Variants in ZFHX3 observed in about 807,000 individuals in gnomAD.
The protein encoded by ZFHX3 is zinc finger homeobox protein 3.
A neutral mutation model predicts 279.1 loss-of-function variants in ZFHX3; 42 were observed. The observed-to-expected ratio is 0.15, with a 90% CI of 0.12 to 0.19. The LOEUF (loss-of-function observed/expected upper bound fraction) is 0.19, where lower values mean the gene tolerates loss of function less well. Ranked by LOEUF, ZFHX3 falls within the 10% of genes least tolerant of loss-of-function variation. The pLI, the probability that ZFHX3 is intolerant of heterozygous loss-of-function variation, is 1.00. For synonymous variants in ZFHX3, 2,293 were observed against 1,957.8 expected, an observed-to-expected ratio of 1.17 and a Z score of -4.52; for missense variants, 4,981 against 4,754.0, an observed-to-expected ratio of 1.05 and a Z score of -1.40.
intron 1 of ZFHX3, among the ~76,000 whole-genome samples, chr16:73,024,537 A>C (rs1415114323): frequency 6.6e-6 from 1 of 152,202 alleles, no homozygotes; most frequent in Non-Finnish European, 1.5e-5. Context: ...AGTTGCACTG[A>C]AAGGATCAGG....
chr16:73,337,901 G>GA, intron 3 of ZFHX3, among the ~76,000 whole-genome samples: 1 of 134,106 alleles, frequency 7.5e-6, no homozygotes, highest in East Asian at 2.2e-4. Context: ...GCGGGGGGGG[G>GA]GGTCCTCATC....
At chr16:73,674,073 A>G (rs963681187) in intron 2 of ZFHX3, among the ~76,000 whole-genome samples, 2 of 152,128 alleles carry the variant, frequency 1.3e-5, no homozygotes, top group African/African-American at 4.8e-5. Flanking sequence ...CAGAAAATGT[A>G]CTCAACTCTA....
chr16:73,807,620 ATTTTTT>A (rs55806545), intron 1 of ZFHX3, among the ~76,000 whole-genome samples: 9 of 70,580 alleles, frequency 1.3e-4, no homozygotes, highest in South Asian at 6.3e-4. Flanking sequence ...CCATGCCCCA[ATTTTTT>A]TTTTTTTTTT....
At position 73,047,903 on chromosome 16, in the gene ZFHX3, C is replaced by T. The variant is rs1965358853; in HGVS notation, c.-201G>A. ...GGCATGCTCCCCACCTCCCGCTGGC[C>T]CCAGGACTCGGAGGTGGCTCTGGTC... On this transcript the variant is annotated 5_prime_UTR_variant, in exon 1 of 10. Coordinates refer to ENST00000268489, the MANE Select transcript of ZFHX3 (RefSeq NM_006885.4). The T allele has an allele frequency of 6.6e-6, 1 of 152,324 alleles. No homozygotes were observed. Among genetic ancestry groups the T allele is most frequent in the Non-Finnish European group, 1.5e-5 (1 of 68,146 alleles). 9.4% of individuals were successfully genotyped at this position (152,324 alleles called of 1,614,324 possible). A position where few individuals can be genotyped will look rare whatever the true frequency, so the allele number is the denominator to read the frequency against.
chr16:72,970,020 G>A (rs992130248), intron 1 of ZFHX3, among the ~76,000 whole-genome samples: 28 of 152,196 alleles, frequency 1.8e-4, no homozygotes, highest in Admixed American at 1.6e-3. Context: ...AAGTGCATCT[G>A]TGCTATTTCC....
chr16:73,472,430 C>A (rs2143605761), intron 2 of ZFHX3, among the ~76,000 whole-genome samples: 1 of 152,278 alleles, frequency 6.6e-6, no homozygotes, highest in South Asian at 2.1e-4. Flanking sequence ...TTGATGAAGC[C>A]ACAAAGCTTC....
chr16:73,327,143 C>A lies in ZFHX3; in HGVS notation c.-1290-8807G>T, dbSNP rs188778897. Among the ~76,000 whole-genome samples, 4 of 152,284 alleles carry A rather than the reference C, an allele frequency of 2.6e-5. No homozygotes were observed. In the East Asian group the frequency reaches 7.7e-4, roughly 29 times the overall value. Reference sequence around the variant, plus strand: ...ATCAAACTATTTTTGTTTTTATTTGCTGGGAGAGTAGTATTCTGAGAAGCC... The same window carrying A: ...ATCAAACTATTTTTGTTTTTATTTGATGGGAGAGTAGTATTCTGAGAAGCC... On this transcript the variant is annotated intron_variant, in intron 3 of 17. Coordinates refer to the ZFHX3 transcript ENST00000641206.
chr16:72,850,658 C>G (rs2037593498), intron 4 of ZFHX3, among the ~76,000 whole-genome samples: 1 of 152,300 alleles, frequency 6.6e-6, no homozygotes, highest in African/African-American at 2.4e-5. Flanking sequence ...CCGGGCTCGC[C>G]AGGCCCACAG....
chr16:73,820,460 G>A (rs78584771), intron 1 of ZFHX3, among the ~76,000 whole-genome samples: 2,763 of 152,140 alleles, frequency 0.018, 43 homozygotes, highest in South Asian at 0.031. Flanking sequence ...GAACCCAGCT[G>A]CCATACCATG....
chr16:73,840,541 T>C (rs996714827), intron 1 of ZFHX3, among the ~76,000 whole-genome samples: 5 of 152,210 alleles, frequency 3.3e-5, no homozygotes, highest in African/African-American at 9.6e-5. Flanking sequence ...ATATAGAACC[T>C]TCTAGTACCA....
At chr16:73,557,094 C>CAAAAAAAAA (rs397766441) in intron 2 of ZFHX3, among the ~76,000 whole-genome samples, 1 of 68,552 alleles carries the variant, frequency 1.5e-5, no homozygotes. Context: ...GACTCCGTCT[C>CAAAAAAAAA]AAAAAAAAAA....
intron 1 of ZFHX3, among the ~76,000 whole-genome samples, chr16:73,874,079 T>C (rs907431470): frequency 6.6e-6 from 1 of 152,192 alleles, no homozygotes; most frequent in Non-Finnish European, 1.5e-5. Flanking sequence ...GCCTACGCCA[T>C]TTCTTCCTCT....
rs537355393 is a variant in ZFHX3, at chr16:72,838,158, A to ATCCC, written c.3449-8303_3449-8300dup. Among the ~76,000 whole-genome samples, 393 of 151,410 alleles carry ATCCC rather than the reference A, an allele frequency of 2.6e-3. 1 individual carries two copies. Among genetic ancestry groups the ATCCC allele is most frequent in the Middle Eastern group, 6.9e-3 (2 of 290 alleles). Reference sequence around the variant, plus strand: ...CCCGTTCCTGTCCCCCATTACCACCATCCCTGTTTTTTGGCATCAGGCTCT... The same window carrying ATCCC: ...CCCGTTCCTGTCCCCCATTACCACCATCCCTCCCTGTTTTTTGGCATCAGGCTCT... On this transcript the variant is annotated intron_variant, in intron 4 of 9. Transcript: ENST00000268489.
At chr16:73,151,341 G>T (rs558049649) in intron 5 of ZFHX3, among the ~76,000 whole-genome samples, 1 of 152,306 alleles carries the variant, frequency 6.6e-6, no homozygotes, top group Middle Eastern at 3.4e-3. Context: ...GCATCTCAGA[G>T]GGGAAAGGAA....
At chr16:72,948,615 G>A (rs535494101) in intron 3 of ZFHX3, among the ~76,000 whole-genome samples, 3 of 152,260 alleles carry the variant, frequency 2.0e-5, no homozygotes, top group South Asian at 2.1e-4. Flanking sequence ...CCAGCCGCAC[G>A]GAGGATGCAG....
intron 4 of ZFHX3, among the ~76,000 whole-genome samples, chr16:72,835,540 C>T (rs1175006203): frequency 6.6e-6 from 1 of 152,190 alleles, no homozygotes; most frequent in Non-Finnish European, 1.5e-5. Context: ...TATCTGCTTA[C>T]TTTGAAGATA....
chr16:73,412,705 G>C (rs948337139), intron 3 of ZFHX3, among the ~76,000 whole-genome samples: 1 of 152,178 alleles, frequency 6.6e-6, no homozygotes, highest in Non-Finnish European at 1.5e-5. Context: ...GTGGGCTGGC[G>C]GGAGATACAA....
intron 3 of ZFHX3, among the ~76,000 whole-genome samples, chr16:73,453,641 A>C (rs2018319028): frequency 6.6e-6 from 1 of 152,230 alleles, no homozygotes; most frequent in South Asian, 2.1e-4. Context: ...CATATGGAAA[A>C]GCAAGTGTAT....
At chr16:73,107,692 C>T (rs886583885) in intron 7 of ZFHX3, among the ~76,000 whole-genome samples, 5 of 152,172 alleles carry the variant, frequency 3.3e-5, no homozygotes, top group African/African-American at 1.2e-4. Flanking sequence ...TGGTTTGGAA[C>T]CCCAAGCACC....
Sources: allele counts gnomAD v4.1 joint callset (sites outside exome capture counted in the v4.1 genomes callset), GRCh38; gene constraint gnomAD v4.1.1; transcripts MANE v1.5; gene names NCBI Gene and HGNC (gene_info 2026-07-23, HGNC 2026-07-21).